Variants in USP12 observed in about 807,000 individuals in gnomAD.
USP12 encodes the protein ubiquitin specific peptidase 12.
USP12 carries 19 observed loss-of-function variants against 45.5 expected under a neutral mutation model. That is an observed-to-expected ratio of 0.42 (90% CI 0.29 to 0.61). The LOEUF is 0.61. Ranked by LOEUF, USP12 falls within the 20% of genes least tolerant of loss-of-function variation. USP12 has a pLI of 0.22. For synonymous variants in USP12, 149 were observed against 148.8 expected, an observed-to-expected ratio of 1.00 and a Z score of -0.01; for missense variants, 242 against 447.7, an observed-to-expected ratio of 0.54 and a Z score of 4.15.
intron 2 of USP12, among the ~76,000 whole-genome samples, chr13:27,114,528 T>C (rs761001984): frequency 5.5e-4 from 84 of 152,232 alleles, no homozygotes; most frequent in Non-Finnish European, 9.6e-4. Context: ...AGGAATAGCA[T>C]TGTATCTACA....
intron 2 of USP12, among the ~76,000 whole-genome samples, chr13:27,107,493 C>T (rs1875196575): frequency 6.6e-6 from 1 of 151,958 alleles, no homozygotes; most frequent in Non-Finnish European, 1.5e-5. Context: ...AAAATAAAAG[C>T]CTTGTAAACT....
intron 6 of USP12, chr13:27,077,653 A>C (rs1379454877): frequency 6.6e-6 from 1 of 152,212 alleles, no homozygotes; most frequent in Non-Finnish European, 1.5e-5. Context: ...ATGATGAGAG[A>C]CTAGCTTACA....
At chr13:27,162,828 T>G (rs1479967796) in intron 1 of USP12, 1 of 152,226 alleles carries the variant, frequency 6.6e-6, no homozygotes, top group Admixed American at 6.5e-5. Flanking sequence ...TCATTCTTTT[T>G]CATTTTGTTT....
intron 6 of USP12, among the ~76,000 whole-genome samples, chr13:27,081,356 ATT>A (rs1873749714): frequency 6.6e-6 from 1 of 152,178 alleles, no homozygotes; most frequent in African/African-American, 2.4e-5. Flanking sequence ...AACAAACCAC[ATT>A]CTTTGATCTT....
intron 1 of USP12, among the ~76,000 whole-genome samples, chr13:27,121,321 A>C (rs1235294129): frequency 6.6e-6 from 1 of 151,916 alleles, no homozygotes; most frequent in African/African-American, 2.4e-5. Context: ...AAAAAAAAAA[A>C]ACCTCAGTAG....
In USP12 at chr13:27,082,907, C is replaced by T. The variant is rs1873829852; in HGVS notation, c.734+6976G>A. ...CTGGAGTGCAATGGCGTGATCTCGG[C>T]TCACCGCAACCTCCGCCTCCCAGGT... On this transcript the variant is annotated intron_variant, in intron 6 of 8. Coordinates refer to ENST00000282344, the MANE Select transcript of USP12 (RefSeq NM_182488.4). 2.0e-5 allele frequency among the ~76,000 whole-genome samples: 3 copies of T among 152,334 alleles called. No homozygotes were observed. The South Asian group carries it at 6.2e-4, about 32-fold the overall frequency.
Position 27,069,270 on chromosome 13 carries a change from T to C in USP12, c.*13A>G, listed in dbSNP as rs1206662629. 6.3e-7 allele frequency: 1 copy of C among 1,597,382 alleles called. No individual in the cohort carries two copies. Among genetic ancestry groups the C allele is most frequent in the Admixed American group, 1.7e-5 (1 of 59,974 alleles). Reference sequence around the variant, plus strand: ...AAATGAGGCAGAAAGTGTCTCTTCATCACGGTTCCCTCTCAGTCCCGAGAC... The same window carrying C: ...AAATGAGGCAGAAAGTGTCTCTTCACCACGGTTCCCTCTCAGTCCCGAGAC... On this transcript the variant is annotated 3_prime_UTR_variant, in exon 9 of 9. Coordinates refer to ENST00000282344, the MANE Select transcript of USP12 (RefSeq NM_182488.4).
At chr13:27,154,771 C>T (rs569626421) in intron 1 of USP12, among the ~76,000 whole-genome samples, 5 of 152,246 alleles carry the variant, frequency 3.3e-5, no homozygotes, top group African/African-American at 1.2e-4. Flanking sequence ...AATCAAACGA[C>T]CTTGAGAGAG....
chr13:27,074,415 A>G (rs1344588418), intron 7 of USP12, among the ~76,000 whole-genome samples: 2 of 152,134 alleles, frequency 1.3e-5, no homozygotes. Context: ...GAAAAAAAAA[A>G]AATTCTAATC....
At chr13:27,131,099 C>A (rs1876478761) in intron 1 of USP12, among the ~76,000 whole-genome samples, 1 of 152,182 alleles carries the variant, frequency 6.6e-6, no homozygotes, top group Non-Finnish European at 1.5e-5. Context: ...AAAATAAGCA[C>A]AGATTTACAT....
intron 1 of USP12, among the ~76,000 whole-genome samples, chr13:27,145,665 A>T (rs959601528): frequency 6.6e-6 from 1 of 152,142 alleles, no homozygotes; most frequent in Non-Finnish European, 1.5e-5. Flanking sequence ...TGTCACTTTT[A>T]TAAAGTTGTT....
At chr13:27,103,878 A>T (rs570248) in intron 3 of USP12, among the ~76,000 whole-genome samples, 7,198 of 152,142 alleles carry the variant, frequency 0.047, 531 homozygotes, top group African/African-American at 0.16. Flanking sequence ...AGCCATAAGT[A>T]TGTAACTGTA....
At chr13:27,139,947 T>C (rs527981085) in intron 1 of USP12, among the ~76,000 whole-genome samples, 20 of 152,338 alleles carry the variant, frequency 1.3e-4, no homozygotes, top group African/African-American at 4.3e-4. Context: ...TGTTCTAACA[T>C]ACTTGTTTCT....
At chr13:27,096,379 T>C (rs1252737701) in intron 3 of USP12, among the ~76,000 whole-genome samples, 1 of 152,230 alleles carries the variant, frequency 6.6e-6, no homozygotes, top group Admixed American at 6.5e-5. Flanking sequence ...TCAAGAATTA[T>C]CTATATAATC....
At chr13:27,108,866 T>C (rs1459518217) in intron 2 of USP12, among the ~76,000 whole-genome samples, 3 of 152,070 alleles carry the variant, frequency 2.0e-5, no homozygotes, top group Non-Finnish European at 2.9e-5. Context: ...GCTGGGGTGG[T>C]AGAGGCAGAG....
chr13:27,157,801 G>A (rs1877908793), intron 1 of USP12, among the ~76,000 whole-genome samples: 1 of 152,044 alleles, frequency 6.6e-6, no homozygotes, highest in Non-Finnish European at 1.5e-5. Context: ...AACTGATGCA[G>A]GCCTCACTCC....
At chr13:27,117,568 A>G (rs903793358) in intron 1 of USP12, among the ~76,000 whole-genome samples, 1 of 152,068 alleles carries the variant, frequency 6.6e-6, no homozygotes, top group Non-Finnish European at 1.5e-5. Context: ...TCTCAAAAAC[A>G]CAATGTTAAA....
At chr13:27,082,705 C>A (rs1390295489) in intron 6 of USP12, among the ~76,000 whole-genome samples, 1 of 152,138 alleles carries the variant, frequency 6.6e-6, no homozygotes, top group Non-Finnish European at 1.5e-5. Context: ...CCCTTAGAAG[C>A]CATTGTAAGG....
chr13:27,127,367 CAG>C (rs1159329128), intron 1 of USP12, among the ~76,000 whole-genome samples: 1 of 152,150 alleles, frequency 6.6e-6, no homozygotes, highest in Non-Finnish European at 1.5e-5. Flanking sequence ...TAAAAGGGAA[CAG>C]AGAGGTTCAG....
Sources: gnomAD v4.1 joint callset for allele counts (sites outside exome capture counted in the v4.1 genomes callset) on GRCh38, gnomAD v4.1.1 for gene constraint, MANE v1.5 for transcripts, NCBI Gene and HGNC (gene_info 2026-07-23, HGNC 2026-07-21) for gene names.